The following IGSF21 variants were observed in gnomAD, a reference collection of about 807,000 sequenced individuals.
The protein encoded by IGSF21 is immunoglobin superfamily member 21.
Under a neutral mutation model 46.8 loss-of-function variants are expected in IGSF21, and 28 were observed. The observed-to-expected ratio is 0.60, with a 90% CI of 0.44 to 0.82. The LOEUF (loss-of-function observed/expected upper bound fraction) is 0.82. Among genes scored for constraint, IGSF21 ranks in the 40% least tolerant of loss-of-function variants. IGSF21 has a pLI of 0.00. For synonymous variants in IGSF21, 284 were observed against 273.6 expected, an observed-to-expected ratio of 1.04 and a Z score of -0.38; for missense variants, 624 against 665.5, an observed-to-expected ratio of 0.94 and a Z score of 0.69.
At chr1:18,276,905 G>T (rs1000383228) in intron 2 of IGSF21, among the ~76,000 whole-genome samples, 1 of 152,152 alleles carries the variant, frequency 6.6e-6, no homozygotes, top group Non-Finnish European at 1.5e-5. Flanking sequence ...CACACACAAG[G>T]ACACTCATAC....
At chr1:18,329,850 GT>G (rs2085694878) in intron 3 of IGSF21, among the ~76,000 whole-genome samples, 1 of 152,236 alleles carries the variant, frequency 6.6e-6, no homozygotes, top group African/African-American at 2.4e-5. Context: ...AGAAGCTGCA[GT>G]GCCCAGCGCT....
At position 18,150,646 on chromosome 1, in the gene IGSF21, C is replaced by T. The variant is rs975253827; in HGVS notation, c.70+42448C>T. 3.3e-5 allele frequency among the ~76,000 whole-genome samples: 5 copies of T among 152,158 alleles called. No homozygotes were observed. The South Asian group carries it at 1.0e-3, about 31-fold the overall frequency. ...GCCAGGAAGTCCACATACATTTGAC[C>T]CCTTTCTCCTCCTTGAATTCCAGAG... On this transcript the variant is annotated intron_variant, in intron 1 of 9. Transcript: ENST00000251296.
chr1:18,210,575 C>G (rs974709746), intron 1 of IGSF21, among the ~76,000 whole-genome samples: 6 of 152,270 alleles, frequency 3.9e-5, no homozygotes, highest in Admixed American at 6.5e-5. Flanking sequence ...TAGGGAACTC[C>G]TGAGTCCACG....
Position 18,227,283 on chromosome 1 carries a change from AG to A in IGSF21, c.71-614del, listed in dbSNP as rs1386739540. ...TTCCCAGGGCTCTCTTTTTACCAGG[AG>A]TCATTTGTTTATGAGGTTGGAAATG... is the stretch of plus-strand genomic sequence containing the variant. On this transcript the variant is annotated intron_variant, in intron 1 of 9. Coordinates refer to ENST00000251296, the MANE Select transcript of IGSF21 (RefSeq NM_032880.5). 2.0e-5 allele frequency among the ~76,000 whole-genome samples: 3 copies of A among 151,958 alleles called. No homozygotes were observed. The East Asian group carries it at 5.8e-4, about 30-fold the overall frequency.
chr1:18,201,454 C>T (rs2087073646), intron 1 of IGSF21, among the ~76,000 whole-genome samples: 1 of 152,196 alleles, frequency 6.6e-6, no homozygotes, highest in African/African-American at 2.4e-5. Context: ...CGGAGGGACA[C>T]AACGAGCACT....
intron 1 of IGSF21, among the ~76,000 whole-genome samples, chr1:18,223,110 T>C (rs1288470491): frequency 6.6e-6 from 1 of 152,232 alleles, no homozygotes; most frequent in Non-Finnish European, 1.5e-5. Context: ...AGCCCACAGC[T>C]CATTGCCAGG....
intron 1 of IGSF21, among the ~76,000 whole-genome samples, chr1:18,225,085 T>TCACACACACACACACACA (rs529286231): frequency 4.3e-4 from 22 of 51,608 alleles, no homozygotes; most frequent in South Asian, 7.6e-4. Flanking sequence ...TCTCTCTCTC[T>TCACACACACACACACACA]CACACACACA....
chr1:18,215,430 T>C (rs1165641781), intron 1 of IGSF21, among the ~76,000 whole-genome samples: 4 of 152,140 alleles, frequency 2.6e-5, no homozygotes, highest in Admixed American at 2.6e-4. Context: ...GTTAGGGCTA[T>C]GGTAGATGCT....
intron 6 of IGSF21, among the ~76,000 whole-genome samples, chr1:18,374,535 C>A (rs959635223): frequency 1.3e-5 from 2 of 152,164 alleles, no homozygotes; most frequent in Non-Finnish European, 2.9e-5. Flanking sequence ...CCCTTCCACA[C>A]GACTGGCTGG....
chr1:18,362,546 C>T (rs926632941), intron 5 of IGSF21, among the ~76,000 whole-genome samples: 5 of 152,148 alleles, frequency 3.3e-5, no homozygotes, highest in Admixed American at 6.5e-5. Flanking sequence ...TTGAGTCCCA[C>T]GGAGACAAAT....
intron 3 of IGSF21, among the ~76,000 whole-genome samples, chr1:18,331,343 A>C (rs536185440): frequency 6.6e-6 from 1 of 151,856 alleles, no homozygotes. Flanking sequence ...CCACTTATGC[A>C]TGAGAACATA....
At chr1:18,172,506 G>T (rs2086747433) in intron 1 of IGSF21, among the ~76,000 whole-genome samples, 1 of 152,170 alleles carries the variant, frequency 6.6e-6, no homozygotes, top group African/African-American at 2.4e-5. Flanking sequence ...TTCTGGGGAG[G>T]GCTCTCCTCC....
intron 3 of IGSF21, among the ~76,000 whole-genome samples, chr1:18,313,579 G>A (rs1001610420): frequency 1.3e-5 from 2 of 152,304 alleles, no homozygotes; most frequent in Middle Eastern, 3.4e-3. Context: ...ATGATTATGT[G>A]CTAACATTTT....
intron 2 of IGSF21, among the ~76,000 whole-genome samples, chr1:18,236,014 G>A (rs1007863234): frequency 5.9e-5 from 9 of 152,166 alleles, no homozygotes; most frequent in Middle Eastern, 3.2e-3. Context: ...GATTCAGGAT[G>A]ACTCCCTGCT....
intron 3 of IGSF21, among the ~76,000 whole-genome samples, chr1:18,302,949 C>T (rs1005809060): frequency 6.6e-6 from 1 of 152,176 alleles, no homozygotes; most frequent in African/African-American, 2.4e-5. Flanking sequence ...CAGAACACAC[C>T]CTTCTGACAC....
intron 1 of IGSF21, among the ~76,000 whole-genome samples, chr1:18,142,294 C>T (rs548530884): frequency 2.6e-5 from 4 of 152,266 alleles, no homozygotes; most frequent in African/African-American, 4.8e-5. Context: ...GTAGGAGGCT[C>T]GTCTCCATTT....
intron 1 of IGSF21, among the ~76,000 whole-genome samples, chr1:18,117,525 A>C (rs2086198541): frequency 6.6e-6 from 1 of 151,934 alleles, no homozygotes; most frequent in African/African-American, 2.4e-5. Flanking sequence ...CGCACTTGTC[A>C]CTCTTCATGG....
chr1:18,117,966 C>T (rs142847778), intron 1 of IGSF21, among the ~76,000 whole-genome samples: 2,470 of 152,316 alleles, frequency 0.016, 38 homozygotes, highest in Middle Eastern at 0.13. Flanking sequence ...TGTCCCAGGG[C>T]TTGGCCAGGT....
At chr1:18,129,612 T>G (rs965484535) in intron 1 of IGSF21, among the ~76,000 whole-genome samples, 1 of 152,154 alleles carries the variant, frequency 6.6e-6, no homozygotes, top group Admixed American at 6.5e-5. Context: ...ACTGTGGGGC[T>G]GGTGAGGAGG....
Sources: gnomAD v4.1 joint callset for allele counts (sites outside exome capture counted in the v4.1 genomes callset) on GRCh38, gnomAD v4.1.1 for gene constraint, MANE v1.5 for transcripts, NCBI Gene and HGNC (gene_info 2026-07-23, HGNC 2026-07-21) for gene names.